DOCK6: variants seen among roughly 807,000 people sequenced by gnomAD.
DOCK6 encodes the protein dedicator of cytokinesis 6.
DOCK6 carries 167 observed loss-of-function variants against 230.3 expected under a neutral mutation model. The ratio of observed to expected loss-of-function variants is 0.73; its 90% CI spans 0.64 to 0.82. DOCK6 has a LOEUF of 0.82. Ranked by LOEUF, DOCK6 falls within the 40% of genes least tolerant of loss-of-function variation. The pLI is 0.00. For missense variants in DOCK6, 2,598 were observed against 2,825.8 expected, an observed-to-expected ratio of 0.92 and a Z score of 1.83; for synonymous variants, 1,148 against 1,185.0, an observed-to-expected ratio of 0.97 and a Z score of 0.64.
chr19:11,252,243 T>C lies in DOCK6; in HGVS notation c.383A>G (p.Gln128Arg). The C allele has an allele frequency of 6.3e-7, 1 of 1,583,600 alleles. No homozygotes were observed. Among genetic ancestry groups the C allele is most frequent in the Non-Finnish European group, 8.6e-7 (1 of 1,164,546 alleles). Residue 128 changes from glutamine (Q) to arginine (R), a missense_variant, in exon 5 of 48, where the codon CAG becomes CGG. Gln to Arg is a conservative substitution (Grantham distance 43). Coordinates refer to ENST00000294618, the MANE Select transcript of DOCK6 (RefSeq NM_020812.4). ...GGGGCTGTATGCTGCACTCAGGTACTGATACCTAGCAGGAAACGGGGCTGG... is the reference window on the plus strand; with the variant it reads ...GGGGCTGTATGCTGCACTCAGGTACCGATACCTAGCAGGAAACGGGGCTGG... Reference protein sequence around the residue: ...EDWVIVHRRYQYLSAAYSPVT... With the variant: ...EDWVIVHRRYRYLSAAYSPVT...
intron 14 of DOCK6, chr19:11,241,681 A>G (rs1442029536): frequency 6.3e-7 from 1 of 1,583,686 alleles, no homozygotes; most frequent in East Asian, 2.3e-5. Flanking sequence ...CGGCGCTCCC[A>G]GCCTGAATCT....
chr19:11,224,053 G>A (rs1470197109), intron 24 of DOCK6, among the ~76,000 whole-genome samples: 18 of 152,122 alleles, frequency 1.2e-4, no homozygotes, highest in Non-Finnish European at 2.9e-5. Flanking sequence ...TCCAGTGTGT[G>A]TGTGTGGGGC....
At chr19:11,209,141 C>T (rs1478047545) in intron 37 of DOCK6, 38 bp from the exon 38 acceptor site, 1 of 1,579,856 alleles carries the variant, frequency 6.3e-7, no homozygotes. Flanking sequence ...GGAGGGGACT[C>T]ACCTGGTCCT....
chr19:11,204,352 G>C, intron 39 of DOCK6, 21 bp from the exon 40 acceptor site: 1 of 1,607,406 alleles, frequency 6.2e-7, no homozygotes, highest in Non-Finnish European at 8.5e-7. Flanking sequence ...GGTGGGGTCA[G>C]GATTCCCCAA....
chr19:11,241,603 A>T lies in DOCK6; in HGVS notation c.1643+442T>A, dbSNP rs761944598. The T allele has an allele frequency of 7.1e-6, 11 of 1,558,234 alleles. No homozygotes were observed. The South Asian group carries it at 1.3e-4, about 18-fold the overall frequency. ...GGCAGGGCAGTTGGATGGGGGGCGC[A>T]CAGGGCAGCTGGAAAGGGGCCCCCT... On this transcript the variant is annotated intron_variant, in intron 14 of 47. Transcript: ENST00000294618.
chr19:11,251,973 A>G (rs531415230), intron 5 of DOCK6, 146 bp downstream of exon 5: 1 of 1,166,046 alleles, frequency 8.6e-7, no homozygotes, highest in South Asian at 1.4e-5. Context: ...TATAATTATG[A>G]CCCCTAACTT....
intron 21 of DOCK6, 73 bp downstream of exon 21, chr19:11,235,525 A>G: frequency 2.8e-6 from 4 of 1,432,892 alleles, no homozygotes; most frequent in Non-Finnish European, 3.8e-6. Flanking sequence ...TCCTGGGATT[A>G]CAGGCGTGAG....
intron 9 of DOCK6, among the ~76,000 whole-genome samples, chr19:11,244,135 T>TGG: frequency 6.6e-6 from 1 of 152,320 alleles, no homozygotes; most frequent in South Asian, 2.1e-4. Context: ...GGTGATATTT[T>TGG]CCCTAAATTT....
At chr19:11,199,613 C>T in intron 47 of DOCK6, 74 bp from the exon 48 acceptor site, 1 of 1,437,982 alleles carries the variant, frequency 7.0e-7, no homozygotes, top group East Asian at 2.5e-5. Flanking sequence ...CCCACATCCT[C>T]TTCCTCCTCC....
In DOCK6 at chr19:11,237,537, G is replaced by A. The variant is rs116286520; in HGVS notation, c.1992C>T (p.His664=). ...VGFTWIPLLQ[H]GRLRTGPFCL... ...AGAAGGGGCCGGTCCTCAGGCGCCC[G>A]TGCTGCAGCAGTGGGATCCACTGGG... Residue 664 remains histidine, a synonymous_variant, in exon 18 of 48, where the codon CAC becomes CAT. Coordinates refer to ENST00000294618, the MANE Select transcript of DOCK6 (RefSeq NM_020812.4). 1.9e-3 allele frequency: 2,992 copies of A among 1,612,590 alleles called. 51 individuals are homozygous for A. In the African/African-American group the frequency reaches 0.034, roughly 19 times the overall value.
intron 14 of DOCK6, chr19:11,239,784 C>T (rs756488531): frequency 6.2e-7 from 1 of 1,609,894 alleles, no homozygotes; most frequent in South Asian, 1.1e-5. Flanking sequence ...GCCAGGCCCT[C>T]AACGGTGTGT....
intron 37 of DOCK6, among the ~76,000 whole-genome samples, chr19:11,209,957 A>C (rs1600859313): frequency 1.7e-5 from 1 of 58,510 alleles, no homozygotes; most frequent in African/African-American, 7.2e-5. Flanking sequence ...CCACCCTCTC[A>C]CCTGCCCGCC....
At position 11,222,060 on chromosome 19, in the gene DOCK6, CTCCTGGACTGTCCCACCTG is replaced by C. The variant is rs779029484; in HGVS notation, c.3380+30_3381-41del. 1.9e-6 allele frequency: 3 copies of C among 1,606,842 alleles called. No individual in the cohort carries two copies. Among genetic ancestry groups the C allele is most frequent in the Admixed American group, 3.3e-5 (2 of 59,772 alleles). On this transcript the variant is annotated intron_variant, in intron 27 of 47. Transcript: ENST00000294618. This position sits in a 1 kb window ranked among gnomAD's most constrained non-coding sequence, Gnocchi z 4.0. ...GGTGCTCAGGACAGGGTGGACATGG[CTCCTGGACTGTCCCACCTG>C]TCCTGGGGCTAGACAGGAGCTCTGC...
chr19:11,225,615 C>T (rs1450213834), intron 24 of DOCK6, among the ~76,000 whole-genome samples: 2 of 151,956 alleles, frequency 1.3e-5, no homozygotes, highest in African/African-American at 4.8e-5. Flanking sequence ...TTGCTTTAGC[C>T]CAGGAGTTTG....
intron 1 of DOCK6, among the ~76,000 whole-genome samples, chr19:11,255,745 C>T (rs1190967751): frequency 6.6e-6 from 1 of 152,094 alleles, no homozygotes. Flanking sequence ...GTTTTCAGGG[C>T]TTACTCCCTT....
chr19:11,245,423 G>A, intron 9 of DOCK6, 140 bp downstream of exon 9: 1 of 934,804 alleles, frequency 1.1e-6, no homozygotes, highest in Non-Finnish European at 1.7e-6. Flanking sequence ...GTTGGATCAG[G>A]GGCCTCCTCC....
intron 28 of DOCK6, among the ~76,000 whole-genome samples, chr19:11,218,928 G>T (rs1440520440): frequency 1.4e-5 from 2 of 142,966 alleles, no homozygotes; most frequent in African/African-American, 5.3e-5. Context: ...GCCCAGGCTG[G>T]AGTGCAGTAG....
intron 24 of DOCK6, among the ~76,000 whole-genome samples, chr19:11,224,954 C>G (rs1412951762): frequency 2.0e-5 from 3 of 152,070 alleles, no homozygotes; most frequent in Non-Finnish European, 2.9e-5. Context: ...GTCCCAGCTA[C>G]TTGGGAGGCT....
chr19:11,241,367 A>G, intron 14 of DOCK6: 1 of 900,004 alleles, frequency 1.1e-6, no homozygotes, highest in Non-Finnish European at 1.8e-6. Flanking sequence ...CACAGATACA[A>G]TGAGGGGCTG....
Sources: allele counts gnomAD v4.1 joint callset (sites outside exome capture counted in the v4.1 genomes callset), GRCh38; gene constraint gnomAD v4.1.1; non-coding constraint Gnocchi (gnomAD v3.1); transcripts MANE v1.5; gene names NCBI Gene and HGNC (gene_info 2026-07-23, HGNC 2026-07-21).